Variants in PLPP4 observed in about 807,000 individuals in gnomAD.
PLPP4 encodes the protein phospholipid phosphatase 4.
In PLPP4, 20 loss-of-function variants were observed where a neutral mutation model predicts 32.2. The ratio of observed to expected loss-of-function variants is 0.62; its 90% CI spans 0.44 to 0.90. PLPP4 has a LOEUF of 0.90. Ranked by LOEUF, PLPP4 falls within the 40% of genes least tolerant of loss-of-function variation. The probability of loss-of-function intolerance (pLI) is 0.00; values close to 1 mark genes in which losing one functional copy is unlikely to be tolerated. For synonymous variants in PLPP4, 127 were observed against 133.0 expected (o/e 0.95, Z 0.31); for missense variants, 257 against 353.1 (o/e 0.73, Z 2.18).
chr10:120,576,384 T>C (rs1384196371), intron 6 of PLPP4, among the ~76,000 whole-genome samples: 1 of 152,232 alleles, frequency 6.6e-6, no homozygotes, highest in Non-Finnish European at 1.5e-5. Flanking sequence ...GACTGCCCTC[T>C]TCCTACCTTT....
chr10:120,461,181 G>A (rs1055596048), intron 1 of PLPP4, among the ~76,000 whole-genome samples: 1 of 152,202 alleles, frequency 6.6e-6, no homozygotes, highest in Non-Finnish European at 1.5e-5. Context: ...TAAAAGATGG[G>A]ATTTGATCAT....
At chr10:120,556,978 G>A (rs558532042) in intron 5 of PLPP4, among the ~76,000 whole-genome samples, 8 of 152,196 alleles carry the variant, frequency 5.3e-5, no homozygotes, top group Non-Finnish European at 8.8e-5. Context: ...TGATTCATGC[G>A]GCTGTTTTCC....
intron 2 of PLPP4, among the ~76,000 whole-genome samples, chr10:120,511,191 T>C (rs1421020627): frequency 1.3e-5 from 2 of 152,186 alleles, no homozygotes; most frequent in Non-Finnish European, 2.9e-5. Flanking sequence ...AAGAGGCAAG[T>C]TGAGGCAGGG....
intron 1 of PLPP4, among the ~76,000 whole-genome samples, chr10:120,486,377 A>G (rs189223026): frequency 2.8e-3 from 427 of 152,098 alleles, no homozygotes; most frequent in Admixed American, 6.0e-3. Flanking sequence ...GGCAATACCA[A>G]TTAGCTAGTA....
intron 5 of PLPP4, among the ~76,000 whole-genome samples, chr10:120,539,072 T>A (rs944924544): frequency 3.3e-5 from 5 of 152,204 alleles, no homozygotes; most frequent in African/African-American, 1.2e-4. Context: ...CAGAAGCCCA[T>A]ACATACTAAT....
chr10:120,564,270 T>C (rs1848586716), intron 5 of PLPP4, among the ~76,000 whole-genome samples: 1 of 152,114 alleles, frequency 6.6e-6, no homozygotes, highest in African/African-American at 2.4e-5. Flanking sequence ...AAAAGTAAGA[T>C]ATTTTTCTTG....
At chr10:120,512,913 G>A (rs1192089047) in intron 2 of PLPP4, among the ~76,000 whole-genome samples, 1 of 152,172 alleles carries the variant, frequency 6.6e-6, no homozygotes, top group Non-Finnish European at 1.5e-5. Context: ...CTAGAGCAGA[G>A]AGAGAGATTT....
chr10:120,550,600 A>T (rs1024864814), intron 5 of PLPP4, among the ~76,000 whole-genome samples: 19 of 151,952 alleles, frequency 1.3e-4, no homozygotes, highest in Non-Finnish European at 2.7e-4. Flanking sequence ...AACAGAATAG[A>T]GTCAAGAAAT....
intron 1 of PLPP4, among the ~76,000 whole-genome samples, chr10:120,489,534 A>T (rs978418266): frequency 6.6e-6 from 1 of 152,200 alleles, no homozygotes; most frequent in Non-Finnish European, 1.5e-5. Context: ...CCACCAACAC[A>T]TGGGTGTGGC....
intron 5 of PLPP4, among the ~76,000 whole-genome samples, chr10:120,553,964 A>G (rs1848030353): frequency 6.6e-6 from 1 of 152,202 alleles, no homozygotes; most frequent in Non-Finnish European, 1.5e-5. Context: ...ATTAACATTC[A>G]GCTCCCAGTA....
intron 1 of PLPP4, among the ~76,000 whole-genome samples, chr10:120,496,912 AGTGTGTGT>A (rs3066553): frequency 0.43 from 64,768 of 149,390 alleles, 14,467 homozygotes; most frequent in East Asian, 0.58. Context: ...AGAATGTGTG[AGTGTGTGT>A]GTGTGTGTGT....
intron 1 of PLPP4, among the ~76,000 whole-genome samples, chr10:120,459,197 T>C (rs1025123125): frequency 3.9e-5 from 6 of 152,378 alleles, no homozygotes; most frequent in Non-Finnish European, 7.3e-5. Flanking sequence ...GTTTATGTTC[T>C]GTTCTCTGAA....
chr10:120,571,116 G>GTGTT (rs1848920408), intron 5 of PLPP4, among the ~76,000 whole-genome samples: 2 of 68,958 alleles, frequency 2.9e-5, no homozygotes, highest in Non-Finnish European at 7.4e-5. Flanking sequence ...GTGTGTGTGT[G>GTGTT]TGTGTGTGTG....
intron 1 of PLPP4, among the ~76,000 whole-genome samples, chr10:120,465,172 A>T (rs1484974579): frequency 6.6e-6 from 1 of 152,240 alleles, no homozygotes; most frequent in East Asian, 1.9e-4. Flanking sequence ...TCTTGGTAAT[A>T]GTGCTTCTTT....
intron 5 of PLPP4, among the ~76,000 whole-genome samples, chr10:120,550,390 A>T (rs1326666): frequency 0.99 from 150,889 of 152,006 alleles, 74,901 homozygotes; most frequent in East Asian, 1. Flanking sequence ...AGATTCAACA[A>T]AATCCTATTT....
chr10:120,489,827 G>A (rs536425316), intron 1 of PLPP4, among the ~76,000 whole-genome samples: 13 of 152,310 alleles, frequency 8.5e-5, no homozygotes, highest in South Asian at 8.3e-4. Context: ...GCCAGCTTCC[G>A]ATTAAAGATT....
At chr10:120,585,856 T>C (rs1399943224) in intron 6 of PLPP4, among the ~76,000 whole-genome samples, 1 of 152,178 alleles carries the variant, frequency 6.6e-6, no homozygotes, top group African/African-American at 2.4e-5. Context: ...TGCCTCTTGC[T>C]TTCCCTGCTG....
chr10:120,515,873 A>G (rs1845915455), intron 3 of PLPP4, among the ~76,000 whole-genome samples: 1 of 152,222 alleles, frequency 6.6e-6, no homozygotes, highest in East Asian at 1.9e-4. Flanking sequence ...ACTGTCTTTC[A>G]TGGTTATGGT....
At chr10:120,586,839 T>G (rs1849785299) in intron 6 of PLPP4, among the ~76,000 whole-genome samples, 1 of 152,094 alleles carries the variant, frequency 6.6e-6, no homozygotes, top group Non-Finnish European at 1.5e-5. Context: ...TATTAACATG[T>G]GTAACTGGGA....
Sources: gnomAD v4.1 joint callset for allele counts (sites outside exome capture counted in the v4.1 genomes callset) on GRCh38, gnomAD v4.1.1 for gene constraint, MANE v1.5 for transcripts, NCBI Gene and HGNC (gene_info 2026-07-23, HGNC 2026-07-21) for gene names.